The following PIBF1 variants were observed in gnomAD, a reference collection of about 807,000 sequenced individuals.
PIBF1 encodes the protein progesterone-induced-blocking factor 1.
A neutral mutation model predicts 112.5 loss-of-function variants in PIBF1; 90 were observed. The observed-to-expected ratio is 0.80, with a 90% CI of 0.67 to 0.95. PIBF1 has a LOEUF of 0.95. Ranked by LOEUF, PIBF1 falls within the 40% of genes least tolerant of loss-of-function variation. The probability of loss-of-function intolerance (pLI) is 0.00; values close to 1 mark genes in which losing one functional copy is unlikely to be tolerated. For synonymous variants in PIBF1, 301 were observed against 288.6 expected (o/e 1.04, Z -0.44); for missense variants, 915 against 852.3 (o/e 1.07, Z -0.92).
chr13:72,907,630 G>A (rs1423530057), intron 11 of PIBF1, among the ~76,000 whole-genome samples: 3 of 152,012 alleles, frequency 2.0e-5, no homozygotes, highest in African/African-American at 4.8e-5. Flanking sequence ...GCTAGTAAGT[G>A]TCAAAGCCAT....
chr13:72,980,616 G>A (rs1340518426), intron 16 of PIBF1, among the ~76,000 whole-genome samples: 11 of 152,096 alleles, frequency 7.2e-5, no homozygotes, highest in African/African-American at 1.7e-4. Flanking sequence ...CCAACATGGC[G>A]AAACCCCATC....
intron 10 of PIBF1, among the ~76,000 whole-genome samples, chr13:72,856,287 T>C (rs539960339): frequency 6.6e-6 from 1 of 152,206 alleles, no homozygotes; most frequent in Non-Finnish European, 1.5e-5. Flanking sequence ...AATTTTGTTC[T>C]TCACAAGTTG....
intron 14 of PIBF1, among the ~76,000 whole-genome samples, chr13:72,962,828 A>G (rs757110129): frequency 6.6e-6 from 1 of 152,162 alleles, no homozygotes; most frequent in Non-Finnish European, 1.5e-5. Flanking sequence ...GGCCAAAACA[A>G]TCTTTAAAAG....
intron 8 of PIBF1, among the ~76,000 whole-genome samples, chr13:72,834,300 G>A (rs1454601188): frequency 1.3e-5 from 2 of 151,974 alleles, no homozygotes; most frequent in Non-Finnish European, 2.9e-5. Context: ...AATATCAATC[G>A]CTTTTATAAC....
chr13:73,015,906 A>G lies in PIBF1; in HGVS notation c.2261A>G (p.Lys754Arg). Residue 754 changes from lysine (K) to arginine (R), a missense_variant, in exon 18 of 18, where the codon AAG becomes AGG. By Grantham distance (26) the Lys-to-Arg change is conservative. Transcript: ENST00000326291. ...KEAPEWSKKQ[K>R]MKT The stretch of plus-strand genomic sequence containing the variant: ...GCACCTGAGTGGTCTAAGAAACAAA[A>G]GATGAAGACCTAGTGTTTTGGATGG... 6.3e-7 allele frequency: 1 copy of G among 1,589,238 alleles called. No individual in the cohort carries two copies. The highest frequency in any genetic ancestry group is 8.6e-7 in the Non-Finnish European group (1 of 1,166,252).
chr13:72,995,010 A>T (rs183843321), intron 16 of PIBF1, among the ~76,000 whole-genome samples: 1 of 152,144 alleles, frequency 6.6e-6, no homozygotes, highest in African/African-American at 2.4e-5. Context: ...TATAATAAAG[A>T]GGTTCTTGCG....
intron 13 of PIBF1, among the ~76,000 whole-genome samples, chr13:72,926,892 G>A (rs1308291763): frequency 2.0e-5 from 3 of 152,074 alleles, no homozygotes; most frequent in Non-Finnish European, 4.4e-5. Context: ...GATCTTCCCA[G>A]TAGATATTAT....
chr13:72,890,368 T>G lies in PIBF1; in HGVS notation c.1323-3416T>G, dbSNP rs1490827720. Reference sequence around the variant, plus strand: ...TGTGTAATAGCTGATTTTCACCCTTTAACATTTTTTCTCCCTGTACTTCCA... The same window carrying G: ...TGTGTAATAGCTGATTTTCACCCTTGAACATTTTTTCTCCCTGTACTTCCA... On this transcript the variant is annotated intron_variant, in intron 10 of 17. Transcript: ENST00000326291. Among the ~76,000 whole-genome samples the G allele has an allele frequency of 3.3e-5, 5 of 152,110 alleles. No homozygotes were observed. The East Asian group carries it at 9.6e-4, about 29-fold the overall frequency.
chr13:72,814,026 C>T (rs2036146404), intron 5 of PIBF1, among the ~76,000 whole-genome samples: 1 of 152,178 alleles, frequency 6.6e-6, no homozygotes, highest in Non-Finnish European at 1.5e-5. Context: ...CCTTTGCCTC[C>T]ACTAGGTGAG....
intron 14 of PIBF1, among the ~76,000 whole-genome samples, chr13:72,945,873 A>C (rs2042136552): frequency 6.6e-6 from 1 of 152,198 alleles, no homozygotes; most frequent in Non-Finnish European, 1.5e-5. Context: ...TATATGTATA[A>C]ATAAGAATAG....
chr13:72,894,817 G>T, intron 11 of PIBF1, among the ~76,000 whole-genome samples: 1 of 146,268 alleles, frequency 6.8e-6, no homozygotes. Flanking sequence ...AGCTATAAAG[G>T]TATTAGAAGT....
At chr13:72,970,056 A>G (rs919907986) in intron 15 of PIBF1, among the ~76,000 whole-genome samples, 2 of 152,090 alleles carry the variant, frequency 1.3e-5, no homozygotes, top group African/African-American at 4.8e-5. Flanking sequence ...CTAATTCAAT[A>G]AAAACTCTTT....
chr13:72,812,321 A>T (rs553076240), intron 5 of PIBF1, among the ~76,000 whole-genome samples: 23 of 152,312 alleles, frequency 1.5e-4, no homozygotes, highest in Non-Finnish European at 2.8e-4. Flanking sequence ...ACAGATGCAT[A>T]TGATGGTTCA....
At chr13:73,014,027 ATCCCT>A (rs1289444865) in intron 17 of PIBF1, among the ~76,000 whole-genome samples, 3 of 151,370 alleles carry the variant, frequency 2.0e-5, no homozygotes, top group East Asian at 3.9e-4. Context: ...TCACTGTTGA[ATCCCT>A]TCCCTTCCCT....
intron 11 of PIBF1, among the ~76,000 whole-genome samples, chr13:72,905,304 G>A (rs1237032441): frequency 6.6e-6 from 1 of 151,978 alleles, no homozygotes; most frequent in Non-Finnish European, 1.5e-5. Flanking sequence ...CTGACCTCGT[G>A]ATCCGCACAT....
intron 10 of PIBF1, among the ~76,000 whole-genome samples, chr13:72,862,043 A>G (rs984427485): frequency 1.3e-5 from 2 of 152,198 alleles, no homozygotes; most frequent in Admixed American, 1.3e-4. Context: ...AGTAATTGAC[A>G]GGGAGGACAG....
In PIBF1 at chr13:72,835,271, A is replaced by G. The variant is rs2037304735; in HGVS notation, c.1126A>G (p.Lys376Glu). 1 of 1,578,916 alleles carries G rather than the reference A, an allele frequency of 6.3e-7. No homozygotes were observed. The highest frequency in any genetic ancestry group is 1.4e-5 in the African/African-American group (1 of 72,612). ...CCATTATAAAACAGAATATGAAAAT[A>G]AACTACATGATGAACTAGAACAAAT... ...RDHYKTEYEN[K>E]LHDELEQIRL... The change falls in exon 9 of 18, where the codon AAA becomes GAA. Residue 376 changes from lysine (K) to glutamate (E), a missense_variant. Transcript: ENST00000326291.
intron 10 of PIBF1, among the ~76,000 whole-genome samples, chr13:72,854,624 T>C (rs2138326624): frequency 6.6e-6 from 1 of 152,336 alleles, no homozygotes; most frequent in South Asian, 2.1e-4. Context: ...CTGTCAATGG[T>C]CATTTTGGTG....
At chr13:72,836,071 C>G (rs866773588) in intron 9 of PIBF1, 1 of 448,298 alleles carries the variant, frequency 2.2e-6, no homozygotes, top group South Asian at 1.6e-5. Flanking sequence ...TACACTCCAG[C>G]CTTGGCGAAA....
Sources: gnomAD v4.1 joint callset for allele counts (sites outside exome capture counted in the v4.1 genomes callset) on GRCh38, gnomAD v4.1.1 for gene constraint, MANE v1.5 for transcripts, NCBI Gene and HGNC (gene_info 2026-07-23, HGNC 2026-07-21) for gene names.